SCOC: variants seen among roughly 807,000 people sequenced by gnomAD.
The protein encoded by SCOC is short coiled coil protein.
In SCOC, 7 loss-of-function variants were observed where a neutral mutation model predicts 9.9. That is an observed-to-expected ratio of 0.71 (90% CI 0.40 to 1.33). The LOEUF is 1.33. Among genes scored for constraint, SCOC ranks in the 40% most tolerant of loss-of-function variants. SCOC has a pLI of 0.01. For missense variants in SCOC, 66 were observed against 89.7 expected (o/e 0.74, Z 1.07); for synonymous variants, 19 against 28.2 (o/e 0.67, Z 1.03).
intron 1 of SCOC, among the ~76,000 whole-genome samples, chr4:140,293,068 A>G (rs10016497): frequency 0.34 from 52,011 of 152,160 alleles, 14,338 homozygotes; most frequent in African/African-American, 0.76. Flanking sequence ...TCCCCTGTAG[A>G]ACACTTGTAC....
chr4:140,282,482 C>T (rs1731123835), intron 1 of SCOC, among the ~76,000 whole-genome samples: 1 of 152,116 alleles, frequency 6.6e-6, no homozygotes, highest in East Asian at 1.9e-4. Context: ...ACCCCCCGTC[C>T]CCATGAAGGT....
In SCOC at chr4:140,314,070, C is replaced by T. The variant is rs568725677; in HGVS notation, c.-18-29551C>T. ...CTTGAACCAGGAGGTGCAGAGACTG[C>T]GCCACTGTACTCCAGCCTGGGTGAC... On this transcript the variant is annotated intron_variant, in intron 1 of 4. Coordinates refer to the SCOC transcript ENST00000394205. 2.9e-4 allele frequency: 43 copies of T among 150,652 alleles called. No individual in the cohort carries two copies. The Middle Eastern group carries it at 0.01, about 36-fold the overall frequency. The allele number at this position is 150,652 out of a possible 1,614,324, so 9.3% of individuals were successfully genotyped here.
chr4:140,297,378 G>A (rs886684341), intron 1 of SCOC, among the ~76,000 whole-genome samples: 2 of 152,078 alleles, frequency 1.3e-5, no homozygotes, highest in African/African-American at 4.8e-5. Flanking sequence ...ACCTCGAGGA[G>A]AAGCAGGTAG....
At chr4:140,283,274 C>A (rs1171480294) in intron 1 of SCOC, among the ~76,000 whole-genome samples, 2 of 152,172 alleles carry the variant, frequency 1.3e-5, no homozygotes, top group Non-Finnish European at 2.9e-5. Flanking sequence ...AACCCTAAAG[C>A]AAGAAGAGAC....
chr4:140,369,371 G>A, upstream of SCOC: 1 of 350,250 alleles, frequency 2.9e-6, no homozygotes. Context: ...AAAAAAATGA[G>A]TAAAAAAGAA....
intron 2 of SCOC, among the ~76,000 whole-genome samples, chr4:140,357,862 C>T (rs562027194): frequency 5.4e-5 from 1 of 18,620 alleles, no homozygotes; most frequent in Non-Finnish European, 1.2e-4. Flanking sequence ...TTATACCCCA[C>T]ATCTTCTCTT....
At chr4:140,354,484 A>G (rs1727119760) in intron 2 of SCOC, among the ~76,000 whole-genome samples, 1 of 149,712 alleles carries the variant, frequency 6.7e-6, no homozygotes, top group Non-Finnish European at 1.5e-5. Flanking sequence ...GGGAGAGCCT[A>G]CATTTCAAGG....
intron 1 of SCOC, among the ~76,000 whole-genome samples, chr4:140,282,542 A>G (rs535462821): frequency 6.6e-6 from 1 of 152,084 alleles, no homozygotes; most frequent in South Asian, 2.1e-4. Flanking sequence ...TACTTGTGCT[A>G]TATTCCTATT....
chr4:140,373,958 G>A, intron 1 of SCOC: 3 of 677,216 alleles, frequency 4.4e-6, no homozygotes, highest in Middle Eastern at 2.3e-4. Flanking sequence ...CTTTGGGAGA[G>A]GGACCTCTCG....
intron 1 of SCOC, among the ~76,000 whole-genome samples, chr4:140,297,037 C>G (rs989036386): frequency 6.6e-6 from 1 of 152,196 alleles, no homozygotes; most frequent in African/African-American, 2.4e-5. Context: ...GATTTAACTC[C>G]TCAACAGAAA....
intron 1 of SCOC, among the ~76,000 whole-genome samples, chr4:140,279,167 A>T (rs1560679584): frequency 6.6e-6 from 1 of 152,072 alleles, no homozygotes; most frequent in Non-Finnish European, 1.5e-5. Flanking sequence ...ATTCTCTCTC[A>T]TTCTCCACTG....
intron 1 of SCOC, among the ~76,000 whole-genome samples, chr4:140,307,867 G>GATAAT (rs1732037792): frequency 6.6e-6 from 1 of 152,128 alleles, no homozygotes; most frequent in East Asian, 1.9e-4. Flanking sequence ...AAGAGGACAG[G>GATAAT]GAGATTCTAT....
intron 1 of SCOC, among the ~76,000 whole-genome samples, chr4:140,275,110 C>T (rs931480133): frequency 2.0e-5 from 3 of 152,160 alleles, no homozygotes; most frequent in African/African-American, 7.2e-5. Context: ...TATGATTGGT[C>T]CATGCAAGGC....
chr4:140,299,417 C>A (rs1218403506), intron 1 of SCOC, among the ~76,000 whole-genome samples: 1 of 152,120 alleles, frequency 6.6e-6, no homozygotes, highest in Admixed American at 6.5e-5. Context: ...CTTTACCATT[C>A]TTTTCTTTTT....
intron 2 of SCOC, among the ~76,000 whole-genome samples, chr4:140,346,061 T>C (rs191265130): frequency 4.6e-5 from 7 of 152,336 alleles, no homozygotes; most frequent in Admixed American, 1.3e-4. Context: ...CAGGAAGTGA[T>C]AGAGCCAAAG....
intron 2 of SCOC, among the ~76,000 whole-genome samples, chr4:140,350,696 T>C (rs1325960507): frequency 6.6e-6 from 1 of 152,196 alleles, no homozygotes; most frequent in Non-Finnish European, 1.5e-5. Context: ...TTAGACTTTG[T>C]GCAAGCTATC....
intron 1 of SCOC, among the ~76,000 whole-genome samples, chr4:140,287,500 C>T (rs1731323160): frequency 6.6e-6 from 1 of 151,830 alleles, no homozygotes; most frequent in Non-Finnish European, 1.5e-5. Context: ...AGACCATGCA[C>T]ATACATCTAC....
intron 1 of SCOC, among the ~76,000 whole-genome samples, chr4:140,308,009 C>A (rs969129395): frequency 9.2e-5 from 14 of 152,108 alleles, no homozygotes; most frequent in African/African-American, 3.4e-4. Flanking sequence ...CCAATTTAGT[C>A]AGGGCTAAGA....
At chr4:140,277,040 T>C (rs1259370148) in intron 1 of SCOC, among the ~76,000 whole-genome samples, 2 of 152,240 alleles carry the variant, frequency 1.3e-5, no homozygotes, top group Non-Finnish European at 2.9e-5. Flanking sequence ...AAGAAAGTTC[T>C]TGTGAATTAG....
Sources: gnomAD v4.1 joint callset for allele counts (sites outside exome capture counted in the v4.1 genomes callset) on GRCh38, gnomAD v4.1.1 for gene constraint, MANE v1.5 for transcripts, NCBI Gene and HGNC (gene_info 2026-07-23, HGNC 2026-07-21) for gene names.